FBXO27: variants seen among roughly 807,000 people sequenced by gnomAD.
FBXO27 encodes the protein F-box only protein 27.
In FBXO27, 28 loss-of-function variants were observed where a neutral mutation model predicts 28.3. The ratio of observed to expected loss-of-function variants is 0.99; its 90% CI spans 0.73 to 1.36. FBXO27 has a LOEUF of 1.36. Ranked by LOEUF, FBXO27 falls within the 40% of genes most tolerant of loss-of-function variation. FBXO27 has a pLI of 0.00. For synonymous variants in FBXO27, 175 were observed against 167.3 expected (o/e 1.05, Z -0.36); for missense variants, 388 against 394.1 (o/e 0.98, Z 0.13).
chr19:39,016,675 C>T (rs1028461271), intron 1 of FBXO27, among the ~76,000 whole-genome samples: 1 of 149,432 alleles, frequency 6.7e-6, no homozygotes, highest in African/African-American at 2.5e-5. Flanking sequence ...ATTCCAGCTA[C>T]TCAAGAAGCT....
In FBXO27 at chr19:39,031,125, C is replaced by G. The variant is rs748467081; in HGVS notation, c.477-1G>C. On this transcript the variant is annotated splice_acceptor_variant, in intron 3 of 5. Coordinates refer to ENST00000292853, the MANE Select transcript of FBXO27 (RefSeq NM_178820.5). LOFTEE classifies it high-confidence loss of function. Reference sequence around the variant, plus strand: ...CAAGACCTGCTTCTTGCAACACCAGCTGGGAATGCAGGAGACAGGGTAATG... The same window carrying G: ...CAAGACCTGCTTCTTGCAACACCAGGTGGGAATGCAGGAGACAGGGTAATG... 1 of 1,614,056 alleles carries G rather than the reference C, an allele frequency of 6.2e-7. No individual in the cohort carries two copies. Among genetic ancestry groups the G allele is most frequent in the South Asian group, 1.1e-5 (1 of 91,076 alleles).
In FBXO27 at chr19:39,016,480, G is replaced by A. The variant is rs140655868; in HGVS notation, c.92-1933C>T. On this transcript the variant is annotated intron_variant, in intron 1 of 2. Transcript: ENST00000598394. ...TAAAAATAAAGTCTAGGCTGGGCGC[G>A]GTGGCTCACGCCTGTAATCCTAGCA... Among the ~76,000 whole-genome samples, 634 of 151,562 alleles carry A rather than the reference G, an allele frequency of 4.2e-3. 7 individuals carry two copies. The highest frequency in any genetic ancestry group is 0.014 in the African/African-American group (595 of 41,396).
intron 2 of FBXO27, among the ~76,000 whole-genome samples, chr19:39,006,803 G>T (rs1312845612): frequency 6.6e-6 from 1 of 151,798 alleles, no homozygotes; most frequent in Non-Finnish European, 1.5e-5. Context: ...CCCAGGCCAG[G>T]TGCTGTGGCT....
At chr19:39,022,105 T>C (rs78025779), downstream of FBXO27, among the ~76,000 whole-genome samples, 12,724 of 151,476 alleles carry the variant, frequency 0.084, 694 homozygotes, top group Non-Finnish European at 0.12. Flanking sequence ...TTTTACTTTT[T>C]GAAACTTTGT....
Position 39,032,122 on chromosome 19 carries a change from C to T in FBXO27, c.106G>A (p.Val36Met), listed in dbSNP as rs747509291. 1 of 1,536,812 alleles carries T rather than the reference C, an allele frequency of 6.5e-7. No individual in the cohort carries two copies. Among genetic ancestry groups the T allele is most frequent in the East Asian group, 2.6e-5 (1 of 37,948 alleles). Residue 36 changes from valine to methionine, a missense_variant, in exon 2 of 6, where the codon GTG becomes ATG. By Grantham distance (21) the Val-to-Met change is conservative. Transcript: ENST00000292853. This position sits in a 1 kb window ranked among gnomAD's most constrained non-coding sequence, Gnocchi z 4.7. ...CGCGGGGGGACGTGGCTCAGCACCACCAGAAGCAGCTCTGGGGGTAGTTGG... is the reference window on the plus strand; with the variant it reads ...CGCGGGGGGACGTGGCTCAGCACCATCAGAAGCAGCTCTGGGGGTAGTTGG... Reference protein sequence around the residue: ...LSQLPPELLLVVLSHVPPRTL... With the variant: ...LSQLPPELLLMVLSHVPPRTL...
Position 39,025,163 on chromosome 19 carries a change from T to G in FBXO27, c.*248A>C. The G allele has an allele frequency of 4.5e-6, 2 of 439,658 alleles. No homozygotes were observed. Among genetic ancestry groups the G allele is most frequent in the Non-Finnish European group, 8.0e-6 (2 of 251,306 alleles). 27.2% of individuals were successfully genotyped at this position (439,658 alleles called of 1,614,324 possible). ...GCATTCCCCCATGCTCACTTGTGGG[T>G]TTCCCCTCAGTACAGTAGGGCCCCC... On this transcript the variant is annotated 3_prime_UTR_variant, in exon 6 of 6. Transcript: ENST00000292853.
chr19:39,011,304 C>T (rs943197258), intron 2 of FBXO27, among the ~76,000 whole-genome samples: 5 of 152,076 alleles, frequency 3.3e-5, no homozygotes, highest in South Asian at 2.1e-4. Flanking sequence ...TGGTGTCACC[C>T]GCCTGTAATC....
At chr19:39,014,810 T>G (rs1032848616) in intron 1 of FBXO27, among the ~76,000 whole-genome samples, 1 of 151,716 alleles carries the variant, frequency 6.6e-6, no homozygotes, top group Non-Finnish European at 1.5e-5. Flanking sequence ...GAGAAGGGAT[T>G]TGCAGAAGAC....
At position 39,025,191 on chromosome 19, in the gene FBXO27, G is replaced by A. The variant is rs546865362; in HGVS notation, c.*220C>T. ...CCCCTCAGTACAGTAGGGCCCCCCCGCAAAGCAGCAGCTGCAGTAGGTAGA... is the reference window on the plus strand; with the variant it reads ...CCCCTCAGTACAGTAGGGCCCCCCCACAAAGCAGCAGCTGCAGTAGGTAGA... On this transcript the variant is annotated 3_prime_UTR_variant, in exon 6 of 6. Coordinates refer to ENST00000292853, the MANE Select transcript of FBXO27 (RefSeq NM_178820.5). The A allele has an allele frequency of 8.0e-5, 46 of 573,898 alleles. No homozygotes were observed. The highest frequency in any genetic ancestry group is 7.5e-4 in the South Asian group (28 of 37,444). 35.6% of individuals were successfully genotyped at this position (573,898 alleles called of 1,614,324 possible). A position where few individuals can be genotyped will look rare whatever the true frequency, so the allele number is the denominator to read the frequency against.
At chr19:39,015,764 T>C (rs2072816781) in intron 1 of FBXO27, among the ~76,000 whole-genome samples, 1 of 151,210 alleles carries the variant, frequency 6.6e-6, no homozygotes, top group Non-Finnish European at 1.5e-5. Context: ...GGCAAAACTA[T>C]GGAGTCAATA....
At chr19:39,021,232 G>A (rs967502788), downstream of FBXO27, among the ~76,000 whole-genome samples, 4 of 152,134 alleles carry the variant, frequency 2.6e-5, no homozygotes, top group African/African-American at 9.7e-5. Flanking sequence ...GCAAACCGTG[G>A]AAGAAGTTTT....
downstream of FBXO27, among the ~76,000 whole-genome samples, chr19:39,020,999 C>T (rs1407473354): frequency 6.6e-6 from 1 of 151,994 alleles, no homozygotes; most frequent in Non-Finnish European, 1.5e-5. Flanking sequence ...GGATTACAGG[C>T]ACCCGCCACC....
chr19:39,025,230 GCTT>G lies in FBXO27; in HGVS notation c.*178_*180del, dbSNP rs781310378. ...GCAGTAGGTAGATAAGATGGAAGAAGCTTCTTCTGGTAGTTTCTAGAACCTGAA... is the reference window on the plus strand; with the variant it reads ...GCAGTAGGTAGATAAGATGGAAGAAGCTTCTGGTAGTTTCTAGAACCTGAA... On this transcript the variant is annotated 3_prime_UTR_variant, in exon 6 of 6. Coordinates refer to ENST00000292853, the MANE Select transcript of FBXO27 (RefSeq NM_178820.5). The G allele has an allele frequency of 2.5e-5, 19 of 766,780 alleles. No individual in the cohort carries two copies. Among genetic ancestry groups the G allele is most frequent in the Non-Finnish European group, 3.8e-5 (19 of 496,030 alleles). The allele number at this position is 766,780 out of a possible 1,614,324, so 47.5% of individuals were successfully genotyped here.
chr19:39,027,517 T>C (rs2072879999), intron 4 of FBXO27, among the ~76,000 whole-genome samples: 1 of 152,270 alleles, frequency 6.6e-6, no homozygotes, highest in East Asian at 1.9e-4. Flanking sequence ...AGAAGCTCTG[T>C]GTTTGATCTT....
chr19:39,030,936 G>A (rs368333510), intron 4 of FBXO27, 93 bp downstream of exon 4: 2 of 1,013,514 alleles, frequency 2.0e-6, no homozygotes, highest in East Asian at 2.4e-5. Flanking sequence ...TCTGTAAGGA[G>A]GGGTTAGGAG....
intron 2 of FBXO27, among the ~76,000 whole-genome samples, chr19:39,013,461 C>A (rs1422419533): frequency 6.6e-6 from 1 of 151,806 alleles, no homozygotes; most frequent in African/African-American, 2.4e-5. Flanking sequence ...GAAGCCCCGT[C>A]TCTACTAAAA....
chr19:39,025,438 A>G lies in FBXO27; in HGVS notation c.825T>C (p.Ser275=), dbSNP rs2072867464. 1.9e-6 allele frequency: 3 copies of G among 1,614,038 alleles called. No individual in the cohort carries two copies. Among genetic ancestry groups the G allele is most frequent in the East Asian group, 4.5e-5 (2 of 44,872 alleles). ...AGGACAGACGGACTCGCACGATCAC[A>G]CTGGAGTTGGTCACACGGGCTCCAT... ...GHYGARVTNS[S]VIVRVRLS Residue 275 remains serine (S), a synonymous_variant, in exon 6 of 6, where the codon AGT becomes AGC. Coordinates refer to ENST00000292853, the MANE Select transcript of FBXO27 (RefSeq NM_178820.5).
At chr19:39,012,039 T>G (rs948327216) in intron 2 of FBXO27, among the ~76,000 whole-genome samples, 5 of 151,640 alleles carry the variant, frequency 3.3e-5, no homozygotes, top group African/African-American at 4.8e-5. Context: ...TTCACCATGT[T>G]AGCCAGGATG....
chr19:39,012,338 C>G (rs1223006815), intron 2 of FBXO27, among the ~76,000 whole-genome samples: 1 of 151,936 alleles, frequency 6.6e-6, no homozygotes, highest in Non-Finnish European at 1.5e-5. Context: ...GCATGGGCAA[C>G]CACGCCCGAC....
Sources: gnomAD v4.1 joint callset for allele counts (sites outside exome capture counted in the v4.1 genomes callset) on GRCh38, gnomAD v4.1.1 for gene constraint, Gnocchi (gnomAD v3.1) non-coding constraint, MANE v1.5 for transcripts, NCBI Gene and HGNC (gene_info 2026-07-23, HGNC 2026-07-21) for gene names.